CHODL: variants seen among roughly 807,000 people sequenced by gnomAD.
The protein encoded by CHODL is chondrolectin.
Under a neutral mutation model 34.5 loss-of-function variants are expected in CHODL, and 29 were observed. That is an observed-to-expected ratio of 0.84 (90% CI 0.63 to 1.15). The LOEUF (loss-of-function observed/expected upper bound fraction) is 1.15. CHODL is among the 50% of genes most tolerant of loss of function. The pLI, the probability that CHODL is intolerant of heterozygous loss-of-function variation, is 0.00. For synonymous variants in CHODL, 125 were observed against 116.1 expected, an observed-to-expected ratio of 1.08 and a Z score of -0.49; for missense variants, 332 against 332.5, an observed-to-expected ratio of 1.00 and a Z score of 0.01.
At chr21:17,975,085 T>C (rs940354238) in intron 1 of CHODL, among the ~76,000 whole-genome samples, 4 of 152,008 alleles carry the variant, frequency 2.6e-5, no homozygotes, top group African/African-American at 9.7e-5. Flanking sequence ...CCCAGCACTT[T>C]GGAAGGCCAA....
intron 2 of CHODL, among the ~76,000 whole-genome samples, chr21:18,219,718 A>G (rs950858546): frequency 3.3e-5 from 5 of 150,168 alleles, no homozygotes; most frequent in African/African-American, 4.9e-5. Context: ...GGCCATTTGT[A>G]TGTCTTCTTT....
intron 1 of CHODL, among the ~76,000 whole-genome samples, chr21:17,983,023 C>T (rs1160506108): frequency 6.6e-6 from 1 of 152,132 alleles, no homozygotes; most frequent in African/African-American, 2.4e-5. Context: ...CCGCATTCAT[C>T]GCCTACATAT....
At chr21:18,031,074 A>G (rs2064241900) in intron 2 of CHODL, among the ~76,000 whole-genome samples, 1 of 152,146 alleles carries the variant, frequency 6.6e-6, no homozygotes, top group Non-Finnish European at 1.5e-5. Flanking sequence ...ATTAGAATGC[A>G]GTCAAAATTT....
chr21:18,190,550 A>C (rs1361000882), intron 2 of CHODL, among the ~76,000 whole-genome samples: 3 of 152,204 alleles, frequency 2.0e-5, no homozygotes, highest in African/African-American at 7.2e-5. Flanking sequence ...TTACTCAGTA[A>C]AAAGGCTCAG....
intron 2 of CHODL, among the ~76,000 whole-genome samples, chr21:18,207,659 C>CTTTTT (rs34259143): frequency 0.039 from 2,154 of 55,878 alleles, 135 homozygotes; most frequent in African/African-American, 0.069. Flanking sequence ...AATCTCTCAG[C>CTTTTT]TTTTTTTTTT....
chr21:18,078,113 T>A lies in CHODL; in HGVS notation c.-45+50142T>A, dbSNP rs151176341. Among the ~76,000 whole-genome samples the A allele has an allele frequency of 3.2e-3, 492 of 152,276 alleles. 7 individuals carry two copies. The Middle Eastern group carries it at 0.075, about 23-fold the overall frequency. On this transcript the variant is annotated intron_variant, in intron 2 of 6. Transcript: ENST00000400127. ...TTCTGTGCCTAGCCTTCTTCATTTG[T>A]AAAACGGTGTATTAGTCTGTTCTCA... is the stretch of plus-strand genomic sequence containing the variant.
At chr21:17,954,207 A>C (rs1423197008) in intron 1 of CHODL, among the ~76,000 whole-genome samples, 4 of 152,190 alleles carry the variant, frequency 2.6e-5, no homozygotes, top group African/African-American at 9.7e-5. Flanking sequence ...TAAGTGGTTA[A>C]TTTATTGGGA....
At chr21:18,012,932 C>A (rs566354276) in intron 1 of CHODL, among the ~76,000 whole-genome samples, 1 of 137,048 alleles carries the variant, frequency 7.3e-6, no homozygotes, top group Non-Finnish European at 1.6e-5. Flanking sequence ...TAAATAAATG[C>A]GTAAAAAAAT....
chr21:18,143,602 G>A (rs1402084478), intron 2 of CHODL, among the ~76,000 whole-genome samples: 1 of 152,026 alleles, frequency 6.6e-6, no homozygotes, highest in African/African-American at 2.4e-5. Context: ...TAAACTCTAT[G>A]AGTCTCACTT....
At chr21:18,156,598 A>G (rs1445468619) in intron 2 of CHODL, among the ~76,000 whole-genome samples, 2 of 152,210 alleles carry the variant, frequency 1.3e-5, no homozygotes, top group African/African-American at 4.8e-5. Context: ...ATGAAGCTCA[A>G]TATTGCTTAT....
intron 1 of CHODL, among the ~76,000 whole-genome samples, chr21:17,938,272 G>A (rs1459813247): frequency 6.6e-6 from 1 of 151,896 alleles, no homozygotes; most frequent in Non-Finnish European, 1.5e-5. Context: ...TGTTAATGAT[G>A]ATTGCTGACC....
At chr21:17,954,643 T>C (rs1215698026) in intron 1 of CHODL, among the ~76,000 whole-genome samples, 1 of 134,642 alleles carries the variant, frequency 7.4e-6, no homozygotes, top group Non-Finnish European at 1.7e-5. Flanking sequence ...GCCTTTGGAC[T>C]TGGATTGGAA....
chr21:18,066,021 C>T (rs1052426075), intron 2 of CHODL, among the ~76,000 whole-genome samples: 1 of 152,120 alleles, frequency 6.6e-6, no homozygotes, highest in Non-Finnish European at 1.5e-5. Flanking sequence ...ATATATAAAT[C>T]TATAGCAAAT....
intron 2 of CHODL, among the ~76,000 whole-genome samples, chr21:18,151,082 C>CAAAAAAA (rs61176066): frequency 8.1e-4 from 100 of 122,898 alleles, no homozygotes; most frequent in African/African-American, 1.5e-3. Flanking sequence ...GACTCTGTGT[C>CAAAAAAA]AAAAAAAAAA....
At chr21:17,957,083 C>T (rs2063498252) in intron 1 of CHODL, among the ~76,000 whole-genome samples, 1 of 152,076 alleles carries the variant, frequency 6.6e-6, no homozygotes, top group Admixed American at 6.5e-5. Flanking sequence ...GATTAGGTTT[C>T]AACATATGAA....
chr21:18,128,644 T>C lies in CHODL; in HGVS notation c.-45+100673T>C, dbSNP rs568923053. On this transcript the variant is annotated intron_variant, in intron 2 of 6. Transcript: ENST00000400127. ...GTATTCAGTAAAATGATCAATAAAA[T>C]GTGTAATTTACATATCAGAATACAT... Among the ~76,000 whole-genome samples, 17 of 152,182 alleles carry C rather than the reference T, an allele frequency of 1.1e-4. No individual in the cohort carries two copies. In the East Asian group the frequency reaches 1.2e-3, roughly 10 times the overall value.
At chr21:18,233,522 T>C (rs1367945668) in intron 2 of CHODL, among the ~76,000 whole-genome samples, 2 of 152,086 alleles carry the variant, frequency 1.3e-5, no homozygotes. Context: ...AACTATTAAT[T>C]GTTGTTATTA....
At chr21:18,176,480 G>A (rs1233594980) in intron 2 of CHODL, among the ~76,000 whole-genome samples, 3 of 152,126 alleles carry the variant, frequency 2.0e-5, no homozygotes, top group Non-Finnish European at 2.9e-5. Flanking sequence ...TGAACTTCAT[G>A]ATTTACTCTT....
chr21:18,257,645 A>T (rs2074333548), intron 3 of CHODL, among the ~76,000 whole-genome samples: 1 of 152,158 alleles, frequency 6.6e-6, no homozygotes, highest in Non-Finnish European at 1.5e-5. Flanking sequence ...CCATAGTGGA[A>T]AAAAGTAGGA....
Sources: gnomAD v4.1 joint callset for allele counts (sites outside exome capture counted in the v4.1 genomes callset) on GRCh38, gnomAD v4.1.1 for gene constraint, MANE v1.5 for transcripts, NCBI Gene and HGNC (gene_info 2026-07-23, HGNC 2026-07-21) for gene names.